LPCAT3: variants seen among roughly 807,000 people sequenced by gnomAD.
LPCAT3 encodes lysophosphatidylcholine acyltransferase 3, also known as lysophospholipid acyltransferase 5.
A neutral mutation model predicts 63.4 loss-of-function variants in LPCAT3; 21 were observed. The ratio of observed to expected loss-of-function variants is 0.33; its 90% CI spans 0.23 to 0.48. The LOEUF (loss-of-function observed/expected upper bound fraction) is 0.48. LPCAT3 is among the 20% of genes least tolerant of loss of function. LPCAT3 has a pLI of 0.99. For missense variants in LPCAT3, 451 were observed against 590.6 expected (o/e 0.76, Z 2.45); for synonymous variants, 242 against 227.5 (o/e 1.06, Z -0.58).
chr12:7,001,563 G>A, intron 1 of LPCAT3: 1 of 454,792 alleles, frequency 2.2e-6, no homozygotes, highest in Non-Finnish European at 4.4e-6. Context: ...GTTGGTGTTG[G>A]TAGGATCCTG....
At position 7,009,117 on chromosome 12, in the gene LPCAT3, C is replaced by G. The variant is rs2138359518; in HGVS notation, c.151+9157G>C. 2.0e-5 allele frequency among the ~76,000 whole-genome samples: 3 copies of G among 152,182 alleles called. No individual in the cohort carries two copies. The South Asian group carries it at 6.2e-4, about 32-fold the overall frequency. On this transcript the variant is annotated intron_variant, in intron 1 of 12. Transcript: ENST00000261407. ...TTTTCTGTCACCCAGGCTGGAGTGC[C>G]ATGGTGCAATCTCGGCTCACTACAA...
At chr12:6,979,673 T>C (rs1176871432) in intron 6 of LPCAT3, 94 bp from the exon 7 acceptor site, 2 of 827,350 alleles carry the variant, frequency 2.4e-6, no homozygotes, top group Admixed American at 2.1e-5. Flanking sequence ...TGTTTAGGGG[T>C]GTGGTTGTCT....
At chr12:6,993,233 A>C (rs2138345173) in intron 1 of LPCAT3, among the ~76,000 whole-genome samples, 1 of 152,116 alleles carries the variant, frequency 6.6e-6, no homozygotes, top group Non-Finnish European at 1.5e-5. Context: ...AGGTCAGGAG[A>C]TCAAGACCAT....
chr12:6,999,105 T>C (rs1229586115), intron 1 of LPCAT3, among the ~76,000 whole-genome samples: 7 of 152,372 alleles, frequency 4.6e-5, no homozygotes, highest in African/African-American at 1.7e-4. Context: ...CACCTGTTTA[T>C]AGACATAAGC....
rs782496754 is a variant in LPCAT3, at chr12:6,978,367, G to A, written c.1014C>T (p.Asn338=). The A allele has an allele frequency of 2.5e-6, 4 of 1,612,986 alleles. No individual in the cohort carries two copies. The highest frequency in any genetic ancestry group is 3.4e-6 in the Non-Finnish European group (4 of 1,179,474). Residue 338 remains asparagine (N), a synonymous_variant, in exon 9 of 13, where the codon AAC becomes AAT. Coordinates refer to ENST00000261407, the MANE Select transcript of LPCAT3 (RefSeq NM_005768.6). ...GGGCCACCCAGGCGTTGGTGTTGAT[G>A]TTGAATGAGGCAATGGTGCCAGTGA... ...PRFTGTIASF[N]INTNAWVARY... is the part of the protein sequence containing the mutation.
At chr12:6,981,790 C>A in intron 4 of LPCAT3, 21 bp downstream of exon 4, 1 of 1,589,632 alleles carries the variant, frequency 6.3e-7, no homozygotes, top group Non-Finnish European at 8.6e-7. Flanking sequence ...GTAAGGAAGG[C>A]AGGCAGTGAC....
intron 1 of LPCAT3, among the ~76,000 whole-genome samples, chr12:6,999,279 T>C (rs1555156336): frequency 6.6e-6 from 1 of 152,190 alleles, no homozygotes; most frequent in Non-Finnish European, 1.5e-5. Context: ...AGCTCAAGCA[T>C]TGTGACAGCT....
At chr12:7,008,761 A>C (rs1209538066) in intron 1 of LPCAT3, among the ~76,000 whole-genome samples, 2 of 152,094 alleles carry the variant, frequency 1.3e-5, no homozygotes, top group South Asian at 2.1e-4. Flanking sequence ...CAAAAAAAAA[A>C]CAAAAAACAC....
At chr12:6,994,730 C>T (rs113480047) in intron 1 of LPCAT3, among the ~76,000 whole-genome samples, 1,811 of 152,352 alleles carry the variant, frequency 0.012, 34 homozygotes, top group African/African-American at 0.04. Context: ...GTTGGGATTA[C>T]AGGCATCAGC....
At chr12:6,986,545 G>T (rs1442174594) in intron 1 of LPCAT3, among the ~76,000 whole-genome samples, 1 of 152,106 alleles carries the variant, frequency 6.6e-6, no homozygotes, top group East Asian at 1.9e-4. Flanking sequence ...AGCACTTTGG[G>T]AGGCTGAAGC....
At chr12:7,015,130 T>C (rs1184177519) in intron 1 of LPCAT3, among the ~76,000 whole-genome samples, 1 of 152,208 alleles carries the variant, frequency 6.6e-6, no homozygotes, top group Non-Finnish European at 1.5e-5. Flanking sequence ...AGTGCTTTAA[T>C]GCTCTGCATT....
intron 12 of LPCAT3, 90 bp from the exon 13 acceptor site, chr12:6,976,981 A>G (rs1331699578): frequency 6.5e-6 from 4 of 618,798 alleles, no homozygotes; most frequent in African/African-American, 1.8e-5. Flanking sequence ...GCATGCCTCA[A>G]TAAGTCACAG....
chr12:6,983,602 G>T, intron 1 of LPCAT3, 63 bp from the exon 2 acceptor site: 1 of 1,067,852 alleles, frequency 9.4e-7, no homozygotes. Flanking sequence ...GTTTGGTTTG[G>T]AAGTTTATCT....
intron 1 of LPCAT3, among the ~76,000 whole-genome samples, chr12:6,994,175 G>T (rs1169039296): frequency 6.6e-6 from 1 of 151,930 alleles, no homozygotes; most frequent in East Asian, 1.9e-4. Flanking sequence ...AATTCTCTTG[G>T]GTATATACCT....
intron 1 of LPCAT3, among the ~76,000 whole-genome samples, chr12:7,005,906 T>C (rs2051825992): frequency 6.6e-6 from 1 of 152,218 alleles, no homozygotes; most frequent in Non-Finnish European, 1.5e-5. Context: ...GCACAAAAGC[T>C]TTTAATTTTG....
chr12:7,009,164 C>T (rs190883469), intron 1 of LPCAT3, among the ~76,000 whole-genome samples: 1 of 152,216 alleles, frequency 6.6e-6, no homozygotes, highest in African/African-American at 2.4e-5. Context: ...TGGGTTCCAG[C>T]GATTATCCTG....
rs1946642579 is a variant in LPCAT3 at position 6,997,036 on chromosome 12, TAGG to T, written c.152-13500_152-13498del. Among the ~76,000 whole-genome samples, 8 of 152,120 alleles carry T rather than the reference TAGG, an allele frequency of 5.3e-5. No homozygotes were observed. The South Asian group carries it at 6.2e-4, about 12-fold the overall frequency. ...AAAAAAAAAATCAATTGACTAGGTG[TAGG>T]AGAAGGAAAAGGACAAATTAAAGAT... On this transcript the variant is annotated intron_variant, in intron 1 of 12. Coordinates refer to ENST00000261407, the MANE Select transcript of LPCAT3 (RefSeq NM_005768.6).
Position 6,979,376 on chromosome 12 carries a change from A to C in LPCAT3, c.786+95T>G. The C allele has an allele frequency of 8.9e-6, 8 of 900,672 alleles. No homozygotes were observed. The South Asian group carries it at 1.2e-4, about 13-fold the overall frequency. 55.8% of individuals were successfully genotyped at this position (900,672 alleles called of 1,614,324 possible). A position where few individuals can be genotyped will look rare whatever the true frequency, so the allele number is the denominator to read the frequency against. On this transcript the variant is annotated intron_variant, in intron 7 of 12. Coordinates refer to ENST00000261407, the MANE Select transcript of LPCAT3 (RefSeq NM_005768.6). The stretch of plus-strand genomic sequence containing the variant: ...CAAAACCAACATGCACTTGTAGATG[A>C]TATTTCCTACTTCTCTGCTATCTGT...
At chr12:7,010,068 C>G (rs1174463170) in intron 1 of LPCAT3, among the ~76,000 whole-genome samples, 3 of 152,128 alleles carry the variant, frequency 2.0e-5, no homozygotes, top group Non-Finnish European at 4.4e-5. Context: ...GCATTTGAAC[C>G]TAGGCCAGAA....
Sources: gnomAD v4.1 joint callset for allele counts (sites outside exome capture counted in the v4.1 genomes callset) on GRCh38, gnomAD v4.1.1 for gene constraint, MANE v1.5 for transcripts, NCBI Gene and HGNC (gene_info 2026-07-23, HGNC 2026-07-21) for gene names.